DGKG: variants seen among roughly 807,000 people sequenced by gnomAD.
DGKG encodes the protein diacylglycerol kinase gamma.
Under a neutral mutation model 105.3 loss-of-function variants are expected in DGKG, and 78 were observed. That is an observed-to-expected ratio of 0.74 (90% CI 0.62 to 0.89). DGKG has a LOEUF of 0.89. Among genes scored for constraint, DGKG ranks in the 40% least tolerant of loss-of-function variants. The pLI, the probability that DGKG is intolerant of heterozygous loss-of-function variation, is 0.00. For synonymous variants in DGKG, 346 were observed against 367.1 expected (o/e 0.94, Z 0.66); for missense variants, 958 against 1,020.1 (o/e 0.94, Z 0.83).
Position 186,275,405 on chromosome 3 carries a change from T to C in DGKG, c.910+142A>G, listed in dbSNP as rs1578762955. The C allele has an allele frequency of 5.5e-6, 4 of 726,942 alleles. No individual in the cohort carries two copies. The African/African-American group carries it at 7.1e-5, about 13-fold the overall frequency. The allele number at this position is 726,942 out of a possible 1,614,324, so 45.0% of individuals were successfully genotyped here. A position where few individuals can be genotyped will look rare whatever the true frequency, so the allele number is the denominator to read the frequency against. ...TAAAAACAGGACATGAAGGCCTCGC[T>C]TTATTCCTTCTGTTGGGACAATATG... On this transcript the variant is annotated intron_variant, in intron 10 of 24. Transcript: ENST00000265022.
chr3:186,297,068 T>TCTCACACACACACACACACACACA (rs1452573661), intron 5 of DGKG, among the ~76,000 whole-genome samples: 2 of 130,420 alleles, frequency 1.5e-5, no homozygotes, highest in Non-Finnish European at 3.2e-5. Flanking sequence ...TCTGTCTCTC[T>TCTCACACACACACACACACACACA]CACACACACA....
chr3:186,218,584 G>A (rs1171152556), intron 20 of DGKG, among the ~76,000 whole-genome samples: 1 of 150,894 alleles, frequency 6.6e-6, no homozygotes, highest in Non-Finnish European at 1.5e-5. Flanking sequence ...GACAACTTGA[G>A]ATGACACAAT....
chr3:186,344,544 G>T (rs746785922), intron 1 of DGKG, among the ~76,000 whole-genome samples: 6 of 152,118 alleles, frequency 3.9e-5, no homozygotes, highest in Non-Finnish European at 8.8e-5. Flanking sequence ...AGAACTTAAA[G>T]AACTTATGAA....
chr3:186,339,407 C>A (rs1018790218), intron 1 of DGKG, among the ~76,000 whole-genome samples: 1 of 152,140 alleles, frequency 6.6e-6, no homozygotes, highest in Non-Finnish European at 1.5e-5. Flanking sequence ...AGAAAAGACT[C>A]CTGTTTACTA....
intron 18 of DGKG, 66 bp downstream of exon 18, chr3:186,253,027 C>T (rs773685303): frequency 2.1e-5 from 29 of 1,411,378 alleles, no homozygotes; most frequent in Admixed American, 1.0e-4. Context: ...CAGCCTAGCT[C>T]TGTAGAGCAT....
intron 20 of DGKG, among the ~76,000 whole-genome samples, chr3:186,219,863 A>G (rs2160804): frequency 0.5 from 76,743 of 152,066 alleles, 20,668 homozygotes; most frequent in East Asian, 0.84. Context: ...TGTGTGAGAA[A>G]TTAACTGTAA....
At chr3:186,320,302 C>T (rs1263174875) in intron 2 of DGKG, 91 bp downstream of exon 2, 2 of 1,486,142 alleles carry the variant, frequency 1.3e-6, no homozygotes, top group Non-Finnish European at 1.9e-6. Context: ...TTCTTTGTGG[C>T]TTTGCAATGA....
Position 186,165,012 on chromosome 3 carries a change from C to G in DGKG, c.2102G>C (p.Ser701Thr), listed in dbSNP as rs1271659679. Residue 701 changes from serine (S) to threonine (T), a missense_variant, in exon 23 of 25, where the codon AGT becomes ACT. Around this residue, in one of 2 missense-constraint regions of DGKG, gnomAD observed 315 missense variants for 400.6 expected, o/e 0.79. Transcript: ENST00000265022. Reference sequence around the variant, plus strand: ...CCCCACCACTTCAAGGAGCTGGTCACTGAGGTCTGCAGAGCGAGACAGCAA... The same window carrying G: ...CCCCACCACTTCAAGGAGCTGGTCAGTGAGGTCTGCAGAGCGAGACAGCAA... ...KELKFCVQDL[S>T]DQLLEVVGLE... 1.9e-6 allele frequency: 3 copies of G among 1,613,310 alleles called. No individual in the cohort carries two copies. The African/African-American group carries it at 4.0e-5, about 22-fold the overall frequency.
intron 21 of DGKG, among the ~76,000 whole-genome samples, chr3:186,209,093 C>CTTTT (rs34226259): frequency 1.3e-3 from 119 of 89,672 alleles, no homozygotes; most frequent in African/African-American, 1.7e-3. Context: ...GTTTACTCTT[C>CTTTT]TTTTTTTTTT....
intron 3 of DGKG, among the ~76,000 whole-genome samples, chr3:186,299,842 T>TTCTTTCTTTC (rs1560142127): frequency 8.4e-5 from 9 of 106,862 alleles, no homozygotes; most frequent in East Asian, 2.6e-4. Flanking sequence ...TCTTTCTTTT[T>TTCTTTCTTTC]TTTTTTTTTT....
chr3:186,299,840 T>TCTTTCTTTCTCTTTCTTTCTTTC (rs1553815789), intron 3 of DGKG, among the ~76,000 whole-genome samples: 4 of 80,726 alleles, frequency 5.0e-5, no homozygotes, highest in African/African-American at 1.0e-4. Context: ...TTTCTTTCTT[T>TCTTTCTTTCTCTTTCTTTCTTTC]TTTTTTTTTT....
intron 19 of DGKG, among the ~76,000 whole-genome samples, chr3:186,246,551 C>A (rs1321108117): frequency 6.6e-6 from 1 of 152,154 alleles, no homozygotes; most frequent in Non-Finnish European, 1.5e-5. Flanking sequence ...GACCATAAGA[C>A]AGATTATTTG....
At chr3:186,198,609 G>T (rs534784499) in intron 21 of DGKG, among the ~76,000 whole-genome samples, 1 of 152,340 alleles carries the variant, frequency 6.6e-6, no homozygotes, top group African/African-American at 2.4e-5. Context: ...TGTGTTCCAT[G>T]GTGGTGTCAA....
chr3:186,295,269 G>A (rs1026749754), intron 5 of DGKG, among the ~76,000 whole-genome samples: 4 of 152,032 alleles, frequency 2.6e-5, no homozygotes, highest in African/African-American at 7.2e-5. Flanking sequence ...TTGGGAGGCC[G>A]AGGTGGGCAG....
At chr3:186,335,129 TG>T (rs1725769313) in intron 1 of DGKG, among the ~76,000 whole-genome samples, 1 of 152,168 alleles carries the variant, frequency 6.6e-6, no homozygotes, top group African/African-American at 2.4e-5. Context: ...TGGAGTGCAG[TG>T]GCGCGATCTC....
Position 186,226,827 on chromosome 3 carries a change from A to AT in DGKG, c.1827-14943dup. Among the ~76,000 whole-genome samples, 1 of 152,366 alleles carries AT rather than the reference A, an allele frequency of 6.6e-6. No homozygotes were observed. Among genetic ancestry groups the AT allele is most frequent in the East Asian group, 1.9e-4 (1 of 5,190 alleles). On this transcript the variant is annotated intron_variant, in intron 20 of 24. Transcript: ENST00000265022. This position sits in a 1 kb window ranked among gnomAD's most constrained non-coding sequence, Gnocchi z 4.2. Reference sequence around the variant, plus strand: ...GAATTTCAATCTAAGTGTAGGTTCAATAAACATGAATATTCAGCAATTACG... The same window carrying AT: ...GAATTTCAATCTAAGTGTAGGTTCAATTAAACATGAATATTCAGCAATTACG...
At chr3:186,344,079 A>T (rs938532053) in intron 1 of DGKG, among the ~76,000 whole-genome samples, 2 of 152,238 alleles carry the variant, frequency 1.3e-5, no homozygotes, top group Non-Finnish European at 2.9e-5. Flanking sequence ...GTTCAAAAAA[A>T]CCAAAACAGA....
chr3:186,274,523 G>T (rs1327663424), intron 10 of DGKG, among the ~76,000 whole-genome samples: 1 of 145,472 alleles, frequency 6.9e-6, no homozygotes, highest in Non-Finnish European at 1.5e-5. Flanking sequence ...ATCTCCTAAT[G>T]CTATCCCTCC....
intron 21 of DGKG, 126 bp downstream of exon 21, chr3:186,211,669 G>C: frequency 1.4e-6 from 1 of 696,556 alleles, no homozygotes; most frequent in Non-Finnish European, 2.6e-6. Flanking sequence ...GAACAGGATG[G>C]AGAAACAACA....
Sources: gnomAD v4.1 joint callset for allele counts (sites outside exome capture counted in the v4.1 genomes callset) on GRCh38, gnomAD v4.1.1 for gene constraint, gnomAD v4.1.1 regional missense constraint, Gnocchi (gnomAD v3.1) non-coding constraint, MANE v1.5 for transcripts, NCBI Gene and HGNC (gene_info 2026-07-23, HGNC 2026-07-21) for gene names.